Variants in NEK4 observed in about 807,000 individuals in gnomAD.
The protein encoded by NEK4 is NIMA related kinase 4.
In NEK4, 86 loss-of-function variants were observed where a neutral mutation model predicts 98.4. That is an observed-to-expected ratio of 0.87 (90% CI 0.73 to 1.05). The LOEUF (loss-of-function observed/expected upper bound fraction) is 1.05. Ranked by LOEUF, NEK4 falls within the 50% of genes least tolerant of loss-of-function variation. The pLI, the probability that NEK4 is intolerant of heterozygous loss-of-function variation, is 0.00. For missense variants in NEK4, 898 were observed against 950.3 expected (o/e 0.94, Z 0.72); for synonymous variants, 328 against 342.2 (o/e 0.96, Z 0.46).
chr3:52,720,513 C>T lies in NEK4; in HGVS notation c.2434-8644G>A, dbSNP rs188152339. Among the ~76,000 whole-genome samples, 832 of 152,180 alleles carry T rather than the reference C, an allele frequency of 5.5e-3. 13 individuals are homozygous for T. The South Asian group carries it at 0.067, about 12-fold the overall frequency. On this transcript the variant is annotated intron_variant, in intron 15 of 15. Coordinates refer to ENST00000233027, the MANE Select transcript of NEK4 (RefSeq NM_003157.6). Reference sequence around the variant, plus strand: ...GCTGAAAGTCAAAAACAGAGAAAACCTTGAAAGCAGCAAGATGAAAATAAC... The same window carrying T: ...GCTGAAAGTCAAAAACAGAGAAAACTTTGAAAGCAGCAAGATGAAAATAAC...
intron 7 of NEK4, among the ~76,000 whole-genome samples, 189 bp from the exon 8 acceptor site, chr3:52,750,018 G>A (rs1243198907): frequency 6.6e-6 from 1 of 152,160 alleles, no homozygotes; most frequent in African/African-American, 2.4e-5. Context: ...TTATATGGTT[G>A]TTTTGGAAAA....
chr3:52,711,311 A>T lies in NEK4; in HGVS notation c.*466T>A. The T allele has an allele frequency of 6.6e-6, 1 of 152,508 alleles. No homozygotes were observed. Among genetic ancestry groups the T allele is most frequent in the East Asian group, 1.9e-4 (1 of 5,202 alleles). The allele number at this position is 152,508 out of a possible 1,614,324, so 9.4% of individuals were successfully genotyped here. On this transcript the variant is annotated 3_prime_UTR_variant, in exon 16 of 16. Transcript: ENST00000233027. ...ATTTCTAGAACTGAATTGACTTTTT[A>T]AAATTTTATAATTTATCAACTACTC...
intron 6 of NEK4, among the ~76,000 whole-genome samples, chr3:52,758,407 T>G: frequency 6.6e-6 from 1 of 152,162 alleles, no homozygotes; most frequent in East Asian, 1.9e-4. Flanking sequence ...TTTTACATTA[T>G]GTGTACTTTA....
At chr3:52,741,058 C>T (rs997870145) in intron 13 of NEK4, among the ~76,000 whole-genome samples, 12 of 151,668 alleles carry the variant, frequency 7.9e-5, no homozygotes, top group Non-Finnish European at 1.8e-4. Context: ...CACGGTGAAA[C>T]GCCATCTCTA....
intron 6 of NEK4, among the ~76,000 whole-genome samples, chr3:52,756,453 A>G (rs548225544): frequency 6.6e-6 from 1 of 152,252 alleles, no homozygotes; most frequent in Non-Finnish European, 1.5e-5. Flanking sequence ...AAACTTTCAC[A>G]TATGTGGTCG....
intron 15 of NEK4, among the ~76,000 whole-genome samples, chr3:52,712,973 C>T (rs915911858): frequency 2.0e-5 from 3 of 152,210 alleles, no homozygotes; most frequent in South Asian, 4.1e-4. Context: ...CATTTGGGCA[C>T]GAACCAGCAG....
chr3:52,714,239 G>C (rs2097353028), intron 15 of NEK4, among the ~76,000 whole-genome samples: 1 of 152,134 alleles, frequency 6.6e-6, no homozygotes. Context: ...AAAAAACAAA[G>C]TCTCTGGAAA....
chr3:52,745,960 T>G (rs1230879614), intron 10 of NEK4, 101 bp downstream of exon 10: 1 of 1,053,662 alleles, frequency 9.5e-7, no homozygotes, highest in Non-Finnish European at 1.4e-6. Context: ...TGGACTCAAT[T>G]GATCCTCTTG....
intron 15 of NEK4, chr3:52,733,447 C>G: frequency 2.6e-6 from 1 of 391,530 alleles, no homozygotes; most frequent in Admixed American, 3.2e-5. Context: ...AAAAACCTTA[C>G]AAATGTAATG....
intron 9 of NEK4, 118 bp from the exon 10 acceptor site, chr3:52,746,328 G>T: frequency 1.1e-6 from 1 of 950,074 alleles, no homozygotes; most frequent in South Asian, 1.7e-5. Flanking sequence ...TCAAAACATT[G>T]CATTTTTTTG....
At position 52,743,426 on chromosome 3, in the gene NEK4, C is replaced by G. The variant is rs1353824082; in HGVS notation, c.1930G>C (p.Gly644Arg). ...SVRKASLSVA[G>R]PGKPQEEDQP... is the part of the protein sequence containing the mutation. ...TCTTCTTCCTGGGGTTTTCCTGGCC[C>G]TGCTACACTCAGAGACGCTTTCCTC... The change falls in exon 12 of 16, where the codon GGG becomes CGG. Residue 644 changes from glycine to arginine, a missense_variant. By Grantham distance (125) the Gly-to-Arg change is moderately radical. Coordinates refer to ENST00000233027, the MANE Select transcript of NEK4 (RefSeq NM_003157.6). 2 of 1,614,046 alleles carry G rather than the reference C, an allele frequency of 1.2e-6. No homozygotes were observed. The highest frequency in any genetic ancestry group is 1.3e-5 in the African/African-American group (1 of 74,932).
At chr3:52,746,259 C>T in intron 9 of NEK4, 49 bp from the exon 10 acceptor site, 1 of 1,538,998 alleles carries the variant, frequency 6.5e-7, no homozygotes, top group Non-Finnish European at 9.0e-7. Flanking sequence ...TAGCCCCTTC[C>T]AATGTTCCCC....
At chr3:52,764,848 A>G (rs1698495969) in intron 4 of NEK4, among the ~76,000 whole-genome samples, 1 of 152,200 alleles carries the variant, frequency 6.6e-6, no homozygotes, top group Admixed American at 6.5e-5. Flanking sequence ...CAGAAAGGCC[A>G]TGTACCAATT....
intron 11 of NEK4, among the ~76,000 whole-genome samples, chr3:52,743,927 G>T (rs1359077802): frequency 6.6e-6 from 1 of 152,152 alleles, no homozygotes; most frequent in African/African-American, 2.4e-5. Context: ...CTGAACAGTG[G>T]ACACTGGACA....
At chr3:52,750,727 G>C (rs1372197076) in intron 7 of NEK4, among the ~76,000 whole-genome samples, 1 of 152,016 alleles carries the variant, frequency 6.6e-6, no homozygotes, top group Non-Finnish European at 1.5e-5. Context: ...AGGAGTTTGA[G>C]ACCAGCCTGG....
chr3:52,715,489 C>T (rs968611008), intron 15 of NEK4, among the ~76,000 whole-genome samples: 3 of 152,202 alleles, frequency 2.0e-5, no homozygotes, highest in African/African-American at 4.8e-5. Context: ...TGGGTTCAAG[C>T]GATTCTCTTG....
In NEK4 at chr3:52,709,738, C is replaced by A. The variant is rs1363924045; in HGVS notation, c.*2039G>T. On this transcript the variant is annotated 3_prime_UTR_variant, in exon 16 of 16. Transcript: ENST00000233027. Reference sequence around the variant, plus strand: ...AAAAAAAAAAGATATGGGTGAGATTCCTTTAATTCTAATAAAATACCTACT... The same window carrying A: ...AAAAAAAAAAGATATGGGTGAGATTACTTTAATTCTAATAAAATACCTACT... 1 of 148,228 alleles carries A rather than the reference C, an allele frequency of 6.7e-6. No homozygotes were observed. Among genetic ancestry groups the A allele is most frequent in the East Asian group, 2.0e-4 (1 of 5,080 alleles). 9.2% of individuals were successfully genotyped at this position (148,228 alleles called of 1,614,324 possible).
At chr3:52,737,514 A>G (rs541041184) in intron 15 of NEK4, 72 bp downstream of exon 15, 1 of 1,502,758 alleles carries the variant, frequency 6.7e-7, no homozygotes, top group East Asian at 2.3e-5. Context: ...GTTATGTGTG[A>G]TTTATATTTC....
intron 10 of NEK4, among the ~76,000 whole-genome samples, chr3:52,745,322 T>G (rs900183871): frequency 6.6e-6 from 1 of 151,968 alleles, no homozygotes; most frequent in Admixed American, 6.6e-5. Context: ...GGTTCATACC[T>G]GTAATCCTAG....
Sources: allele counts gnomAD v4.1 joint callset (sites outside exome capture counted in the v4.1 genomes callset), GRCh38; gene constraint gnomAD v4.1.1; transcripts MANE v1.5; gene names NCBI Gene and HGNC (gene_info 2026-07-23, HGNC 2026-07-21).